The following ARHGEF17 variants were observed in gnomAD, a reference collection of about 807,000 sequenced individuals.
ARHGEF17 encodes the protein Rho guanine nucleotide exchange factor 17.
A neutral mutation model predicts 174.0 loss-of-function variants in ARHGEF17; 80 were observed. The observed-to-expected ratio is 0.46, with a 90% CI of 0.38 to 0.55. ARHGEF17 has a LOEUF of 0.55. ARHGEF17 is among the 20% of genes least tolerant of loss of function. The pLI, the probability that ARHGEF17 is intolerant of heterozygous loss-of-function variation, is 0.00. For missense variants in ARHGEF17, 2,886 were observed against 2,839.7 expected, an observed-to-expected ratio of 1.02 and a Z score of -0.37; for synonymous variants, 1,311 against 1,189.1, an observed-to-expected ratio of 1.10 and a Z score of -2.11.
chr11:73,355,426 CT>C (rs1865621066), intron 3 of ARHGEF17, 106 bp from the exon 4 acceptor site: 1 of 738,086 alleles, frequency 1.4e-6, no homozygotes. Context: ...TGTATCATTT[CT>C]AGTTGGAGGG....
At chr11:73,338,178 G>A (rs953583934) in intron 1 of ARHGEF17, among the ~76,000 whole-genome samples, 1 of 152,068 alleles carries the variant, frequency 6.6e-6, no homozygotes, top group Non-Finnish European at 1.5e-5. Flanking sequence ...GGGGAAGGGA[G>A]GAGAGGAGAG....
chr11:73,326,647 G>A (rs932619762), intron 1 of ARHGEF17, among the ~76,000 whole-genome samples: 2 of 152,036 alleles, frequency 1.3e-5, no homozygotes, highest in Admixed American at 6.5e-5. Context: ...TTGAACCCAG[G>A]AGGTAGAGGT....
intron 1 of ARHGEF17, among the ~76,000 whole-genome samples, chr11:73,314,681 C>G (rs1240406182): frequency 6.6e-6 from 1 of 152,116 alleles, no homozygotes; most frequent in African/African-American, 2.4e-5. Context: ...TCATTTATTC[C>G]AGGAATGCCT....
intron 1 of ARHGEF17, among the ~76,000 whole-genome samples, chr11:73,334,632 C>T (rs1016026176): frequency 1.3e-5 from 2 of 152,198 alleles, no homozygotes; most frequent in Non-Finnish European, 2.9e-5. Flanking sequence ...CCTGCCTCAG[C>T]TCCTTGGGGC....
At chr11:73,323,016 TGTCTC>T (rs1414321768) in intron 1 of ARHGEF17, among the ~76,000 whole-genome samples, 1 of 152,104 alleles carries the variant, frequency 6.6e-6, no homozygotes, top group Non-Finnish European at 1.5e-5. Flanking sequence ...ACTCACTTCT[TGTCTC>T]GGCAGAAATT....
chr11:73,316,960 G>A (rs986093188), intron 1 of ARHGEF17, among the ~76,000 whole-genome samples: 12 of 152,166 alleles, frequency 7.9e-5, no homozygotes, highest in Non-Finnish European at 1.5e-5. Flanking sequence ...GTGGGTTTCT[G>A]CTGCAGCCCC....
chr11:73,311,580 CT>C lies in ARHGEF17; in HGVS notation c.2943del (p.Val982TrpfsTer7), dbSNP rs1864836584. 1 of 1,613,514 alleles carries C rather than the reference CT, an allele frequency of 6.2e-7. No homozygotes were observed. Among genetic ancestry groups the C allele is most frequent in the African/African-American group, 1.3e-5 (1 of 74,934 alleles). On this transcript the variant is annotated frameshift_variant, in exon 1 of 21. Transcript: ENST00000263674. LOFTEE classifies it high-confidence loss of function. ...VPEPPTSVGPPVAVPEPIGFP... is the reference protein window; with the variant it reads ...VPEPPTSVGPXVAVPEPIGFP... ...GAGCCACCAACTTCTGTTGGTCCCC[CT>C]GTGGCTGTGCCAGAACCCATAGGCT...
At chr11:73,324,616 T>C (rs1865072067) in intron 1 of ARHGEF17, among the ~76,000 whole-genome samples, 1 of 152,176 alleles carries the variant, frequency 6.6e-6, no homozygotes, top group African/African-American at 2.4e-5. Flanking sequence ...GAGGTGGTAT[T>C]CAAACCAGGA....
chr11:73,332,401 GTGTGTGTATT>G (rs1228953261), intron 1 of ARHGEF17, among the ~76,000 whole-genome samples: 1 of 68,960 alleles, frequency 1.5e-5, no homozygotes, highest in East Asian at 3.3e-4. Flanking sequence ...GTGTGTGTGT[GTGTGTGTATT>G]TTAAATAACA....
intron 20 of ARHGEF17, 95 bp from the exon 21 acceptor site, chr11:73,367,489 C>G: frequency 1.8e-6 from 2 of 1,099,642 alleles, no homozygotes; most frequent in Non-Finnish European, 2.6e-6. Context: ...GCACATCTTC[C>G]TTCCTATCTT....
chr11:73,332,469 A>G (rs1019169715), intron 1 of ARHGEF17, among the ~76,000 whole-genome samples: 1 of 151,648 alleles, frequency 6.6e-6, no homozygotes, highest in African/African-American at 2.4e-5. Flanking sequence ...ATTTGATGTT[A>G]TACCCAAATA....
chr11:73,360,452 G>A lies in ARHGEF17; in HGVS notation c.4339G>A (p.Asp1447Asn), dbSNP rs754857828. ...GTGCGCCACTCGGCCCGAGGGCACC[G>A]ACTCCTACATTTTTGAGTTCCCTCA... ...ELCATRPEGT[D>N]SYIFEFPHPD... The change falls in exon 11 of 21, where the codon GAC becomes AAC. Residue 1447 changes from aspartate to asparagine, a missense_variant. Coordinates refer to ENST00000263674, the MANE Select transcript of ARHGEF17 (RefSeq NM_014786.4). The A allele has an allele frequency of 1.1e-5, 17 of 1,613,938 alleles. No individual in the cohort carries two copies. The Middle Eastern group carries it at 4.9e-4, about 47-fold the overall frequency.
chr11:73,359,187 A>G (rs1394826984), intron 9 of ARHGEF17, among the ~76,000 whole-genome samples: 3 of 152,264 alleles, frequency 2.0e-5, no homozygotes, highest in Non-Finnish European at 4.4e-5. Flanking sequence ...AAAAACAGGA[A>G]AAGAAACTCA....
intron 1 of ARHGEF17, among the ~76,000 whole-genome samples, chr11:73,331,503 T>G (rs1469197427): frequency 6.6e-6 from 1 of 152,042 alleles, no homozygotes; most frequent in Admixed American, 6.5e-5. Flanking sequence ...GTCATTGCCA[T>G]GGCAACAGCC....
At chr11:73,338,100 A>C (rs886847530) in intron 1 of ARHGEF17, among the ~76,000 whole-genome samples, 3 of 152,124 alleles carry the variant, frequency 2.0e-5, no homozygotes, top group African/African-American at 4.8e-5. Context: ...AACTCTGTGG[A>C]GCCTTGAGAG....
chr11:73,368,061 A>C lies in ARHGEF17; in HGVS notation c.*281A>C. On this transcript the variant is annotated 3_prime_UTR_variant, in exon 21 of 21. Coordinates refer to ENST00000263674, the MANE Select transcript of ARHGEF17 (RefSeq NM_014786.4). ...ACCTCTGACCCTGGAGCTTCTACCA[A>C]AGACACAGCTGGGTCTGGACCCCAC... The C allele has an allele frequency of 2.6e-6, 1 of 384,654 alleles. No individual in the cohort carries two copies. The allele number at this position is 384,654 out of a possible 1,614,324, so 23.8% of individuals were successfully genotyped here.
At chr11:73,325,878 C>G (rs73542431) in intron 1 of ARHGEF17, among the ~76,000 whole-genome samples, 1 of 152,226 alleles carries the variant, frequency 6.6e-6, no homozygotes, top group Non-Finnish European at 1.5e-5. Flanking sequence ...GGGAGCAGAC[C>G]TTGCTCCCAT....
At position 73,352,877 on chromosome 11, in the gene ARHGEF17, C is replaced by T; in HGVS notation, c.3318C>T (p.Asp1106=). The T allele has an allele frequency of 6.2e-7, 1 of 1,614,102 alleles. No homozygotes were observed. Among genetic ancestry groups the T allele is most frequent in the Non-Finnish European group, 8.5e-7 (1 of 1,180,034 alleles). ...LKQPENSVLC[D]PSLVDEIFDQ... ...AGCCAGAGAACTCCGTGCTCTGTGA[C>T]CCTTCACTGGTGGACGAGATCTTCG... The change falls in exon 3 of 21, where the codon GAC becomes GAT. Residue 1106 remains aspartate (D), a synonymous_variant. Coordinates refer to ENST00000263674, the MANE Select transcript of ARHGEF17 (RefSeq NM_014786.4).
intron 1 of ARHGEF17, among the ~76,000 whole-genome samples, chr11:73,318,359 G>A (rs11607050): frequency 2.7e-4 from 41 of 152,186 alleles, no homozygotes; most frequent in Non-Finnish European, 5.0e-4. Flanking sequence ...TATCTGGGCC[G>A]GGCGTGGTGG....
Sources: gnomAD v4.1 joint callset for allele counts (sites outside exome capture counted in the v4.1 genomes callset) on GRCh38, gnomAD v4.1.1 for gene constraint, MANE v1.5 for transcripts, NCBI Gene and HGNC (gene_info 2026-07-23, HGNC 2026-07-21) for gene names.